The following NWD1 variants were observed in gnomAD, a reference collection of about 807,000 sequenced individuals.
NWD1 encodes NACHT domain- and WD repeat-containing protein 1.
Under a neutral mutation model 135.1 loss-of-function variants are expected in NWD1, and 129 were observed. That is an observed-to-expected ratio of 0.96 (90% confidence interval 0.83 to 1.11). The LOEUF is 1.11. Ranked by LOEUF, NWD1 falls within the 50% of genes least tolerant of loss-of-function variation. NWD1 has a pLI of 0.00. For synonymous variants in NWD1, 773 were observed against 786.0 expected, an observed-to-expected ratio of 0.98 and a Z score of 0.28; for missense variants, 1,740 against 1,851.3, an observed-to-expected ratio of 0.94 and a Z score of 1.10.
At chr19:16,764,047 C>G (rs181562420) in intron 9 of NWD1, 102 bp downstream of exon 9, 102 of 727,520 alleles carry the variant, frequency 1.4e-4, no homozygotes, top group Middle Eastern at 1.1e-3. Flanking sequence ...GGAAATCCTT[C>G]GTTCCTCCTA....
chr19:16,779,455 T>G lies in NWD1; in HGVS notation c.2721T>G (p.Thr907=), dbSNP rs1168578159. 5 of 1,613,180 alleles carry G rather than the reference T, an allele frequency of 3.1e-6. No individual in the cohort carries two copies. The African/African-American group carries it at 5.3e-5, about 17-fold the overall frequency. ...MEEQHVIHML[T]GHTGEVRCVK... is the part of the protein sequence containing the mutation. ...AGCAGCATGTGATCCACATGCTAACTGGACACACAGGTGAGACTTGGGAAG... is the reference window on the plus strand; with the variant it reads ...AGCAGCATGTGATCCACATGCTAACGGGACACACAGGTGAGACTTGGGAAG... Residue 907 remains threonine (T), a synonymous_variant, in exon 12 of 19, where the codon ACT becomes ACG. Coordinates refer to ENST00000524140, the MANE Select transcript of NWD1 (RefSeq NM_001007525.5).
At chr19:16,763,165 G>A (rs76406460) in intron 8 of NWD1, among the ~76,000 whole-genome samples, 3,068 of 151,340 alleles carry the variant, frequency 0.02, 89 homozygotes, top group African/African-American at 0.067. Flanking sequence ...AGTCCCTGCA[G>A]ACTCAGCTTC....
chr19:16,750,382 C>T lies in NWD1; in HGVS notation c.1740C>T (p.Ala580=), dbSNP rs762795550. Residue 580 remains alanine (A), a synonymous_variant, in exon 6 of 19, where the codon GCC becomes GCT. Coordinates refer to ENST00000524140, the MANE Select transcript of NWD1 (RefSeq NM_001007525.5). ...LEQTHGQLLV[A]HVLGYIVSSR... is the part of the protein sequence containing the mutation. Reference sequence around the variant, plus strand: ...AGACACACGGGCAGCTCCTCGTGGCCCACGTGCTGGGCTACATTGTGTCTT... The same window carrying T: ...AGACACACGGGCAGCTCCTCGTGGCTCACGTGCTGGGCTACATTGTGTCTT... The T allele has an allele frequency of 2.5e-6, 4 of 1,598,246 alleles. No homozygotes were observed. Among genetic ancestry groups the T allele is most frequent in the Admixed American group, 1.8e-5 (1 of 56,396 alleles).
At chr19:16,748,947 C>T (rs1448108657) in intron 5 of NWD1, among the ~76,000 whole-genome samples, 192 bp from the exon 6 acceptor site, 1 of 152,212 alleles carries the variant, frequency 6.6e-6, no homozygotes. Context: ...CCACTCAGAT[C>T]TGCTGAATCA....
intron 12 of NWD1, among the ~76,000 whole-genome samples, chr19:16,787,002 G>A (rs1021453758): frequency 6.6e-6 from 1 of 152,134 alleles, no homozygotes; most frequent in African/African-American, 2.4e-5. Context: ...CTCATGATGT[G>A]CCTTCCAACT....
chr19:16,761,644 T>C (rs1969016668), intron 7 of NWD1, among the ~76,000 whole-genome samples: 1 of 152,164 alleles, frequency 6.6e-6, no homozygotes, highest in Admixed American at 6.5e-5. Context: ...ATCACAGGCA[T>C]GAGCCACTGC....
intron 11 of NWD1, among the ~76,000 whole-genome samples, chr19:16,774,326 CTCCA>C (rs112670267): frequency 4.1e-5 from 6 of 146,836 alleles, no homozygotes; most frequent in East Asian, 2.1e-4. Context: ...CCACTTTCCT[CTCCA>C]TCCATCCATC....
chr19:16,807,065 G>A (rs1165867226), intron 17 of NWD1, among the ~76,000 whole-genome samples: 6 of 151,440 alleles, frequency 4.0e-5, no homozygotes, highest in South Asian at 2.1e-4. Flanking sequence ...GCAGGCGCCT[G>A]TAGTCTCAGC....
rs944003991 is a variant in NWD1, at chr19:16,791,009, A to G, written c.2941-341A>G. Among the ~76,000 whole-genome samples the G allele has an allele frequency of 6.0e-4, 91 of 152,088 alleles. 2 individuals are homozygous for G. Among genetic ancestry groups the G allele is most frequent in the Non-Finnish European group, 1.3e-4 (9 of 68,020 alleles). ...CACTTTGAGAGGCTGAGCAGGGAGGATAGTTTGAGCCCAGGAGCTCAGGAG... is the reference window on the plus strand; with the variant it reads ...CACTTTGAGAGGCTGAGCAGGGAGGGTAGTTTGAGCCCAGGAGCTCAGGAG... On this transcript the variant is annotated intron_variant, in intron 13 of 18. Coordinates refer to ENST00000524140, the MANE Select transcript of NWD1 (RefSeq NM_001007525.5).
intron 12 of NWD1, among the ~76,000 whole-genome samples, chr19:16,787,914 A>G (rs1970101495): frequency 1.0e-5 from 1 of 96,982 alleles, no homozygotes; most frequent in Non-Finnish European, 2.0e-5. Context: ...AATCATCATC[A>G]TCATCATCAT....
intron 3 of NWD1, among the ~76,000 whole-genome samples, chr19:16,736,240 T>TTCCTTC (rs1555717158): frequency 5.9e-4 from 10 of 17,034 alleles, no homozygotes; most frequent in South Asian, 1.1e-3. Flanking sequence ...TTCCTCTCTC[T>TTCCTTC]CTTTCTTTTG....
chr19:16,778,814 C>T (rs1163012184), intron 11 of NWD1, among the ~76,000 whole-genome samples: 2 of 152,150 alleles, frequency 1.3e-5, no homozygotes, highest in Non-Finnish European at 2.9e-5. Context: ...TGCTGGGTGG[C>T]ATGAGCCACC....
At chr19:16,780,805 A>T (rs1188956182) in intron 12 of NWD1, among the ~76,000 whole-genome samples, 1 of 152,018 alleles carries the variant, frequency 6.6e-6, no homozygotes, top group East Asian at 1.9e-4. Context: ...CTGCAGGCAC[A>T]CACCACCACA....
chr19:16,720,048 C>G lies in NWD1; in HGVS notation c.-350C>G, dbSNP rs952309383. Reference sequence around the variant, plus strand: ...GCTGGAGCCCCCAGGACAGCCAGAACGCTGACACTGCAAAGGGCCTCTGTC... The same window carrying G: ...GCTGGAGCCCCCAGGACAGCCAGAAGGCTGACACTGCAAAGGGCCTCTGTC... On this transcript the variant is annotated 5_prime_UTR_variant, in exon 1 of 19. Transcript: ENST00000524140. 6.6e-6 allele frequency: 1 copy of G among 152,248 alleles called. No individual in the cohort carries two copies. The highest frequency in any genetic ancestry group is 1.5e-5 in the Non-Finnish European group (1 of 68,080). 9.4% of individuals were successfully genotyped at this position (152,248 alleles called of 1,614,324 possible). A position where few individuals can be genotyped will look rare whatever the true frequency, so the allele number is the denominator to read the frequency against.
At chr19:16,762,299 T>TTTC (rs1292542399) in intron 8 of NWD1, among the ~76,000 whole-genome samples, 161 bp downstream of exon 8, 1 of 132,806 alleles carries the variant, frequency 7.5e-6, no homozygotes, top group African/African-American at 3.4e-5. Context: ...CCCCACTCCT[T>TTTC]TTTTTTTTTT....
chr19:16,772,008 A>G (rs1969431705), intron 10 of NWD1, among the ~76,000 whole-genome samples: 1 of 152,048 alleles, frequency 6.6e-6, no homozygotes, highest in African/African-American at 2.4e-5. Flanking sequence ...TTTTAGGTTC[A>G]CAGCAAAATT....
intron 3 of NWD1, among the ~76,000 whole-genome samples, chr19:16,734,534 C>CA (rs35642054): frequency 8.6e-4 from 106 of 123,692 alleles, no homozygotes; most frequent in Admixed American, 1.1e-3. Context: ...GACTCCATCT[C>CA]AAAAAAAAAA....
At chr19:16,777,943 G>A (rs1277494585) in intron 11 of NWD1, among the ~76,000 whole-genome samples, 1 of 126,408 alleles carries the variant, frequency 7.9e-6, no homozygotes, top group Admixed American at 8.2e-5. Context: ...AAGGGAAAGG[G>A]AAGGAAAGGA....
chr19:16,786,958 T>A (rs1970060396), intron 12 of NWD1, among the ~76,000 whole-genome samples: 1 of 152,292 alleles, frequency 6.6e-6, no homozygotes, highest in African/African-American at 2.4e-5. Context: ...TCTCCATTTG[T>A]CTGTTATATG....
Sources: allele counts gnomAD v4.1 joint callset (sites outside exome capture counted in the v4.1 genomes callset), GRCh38; gene constraint gnomAD v4.1.1; transcripts MANE v1.5; gene names NCBI Gene and HGNC (gene_info 2026-07-23, HGNC 2026-07-21).